Variants in CSMD1 observed in about 807,000 individuals in gnomAD.
CSMD1 encodes CUB and Sushi multiple domains 1.
In CSMD1, 213 loss-of-function variants were observed where a neutral mutation model predicts 417.5. The observed-to-expected ratio is 0.51, with a 90% CI of 0.46 to 0.57. The LOEUF (loss-of-function observed/expected upper bound fraction) is 0.57. Ranked by LOEUF, CSMD1 falls within the 20% of genes least tolerant of loss-of-function variation. The probability of loss-of-function intolerance (pLI) is 0.00; values close to 1 mark genes in which losing one functional copy is unlikely to be tolerated. For synonymous variants in CSMD1, 2,862 were observed against 1,736.8 expected (o/e 1.65, Z -16.11); for missense variants, 6,923 against 4,529.7 (o/e 1.53, Z -15.17).
At chr8:3,333,816 A>G (rs1807064368) in intron 23 of CSMD1, among the ~76,000 whole-genome samples, 1 of 152,254 alleles carries the variant, frequency 6.6e-6, no homozygotes, top group Non-Finnish European at 1.5e-5. Flanking sequence ...AAGGCAGTGA[A>G]TGCTATTCTT....
chr8:3,410,567 C>T (rs555435392), intron 12 of CSMD1, among the ~76,000 whole-genome samples: 8 of 152,270 alleles, frequency 5.3e-5, no homozygotes, highest in Admixed American at 2.0e-4. Flanking sequence ...TCATGTAAGA[C>T]GTGACTTGTT....
At chr8:3,198,559 T>C (rs759871609) in intron 33 of CSMD1, among the ~76,000 whole-genome samples, 1 of 152,214 alleles carries the variant, frequency 6.6e-6, no homozygotes, top group Non-Finnish European at 1.5e-5. Flanking sequence ...CAATGGCTAC[T>C]TACACAGGAT....
intron 3 of CSMD1, among the ~76,000 whole-genome samples, chr8:4,196,887 T>C (rs891284392): frequency 2.0e-5 from 3 of 152,206 alleles, no homozygotes; most frequent in Non-Finnish European, 2.9e-5. Flanking sequence ...AGTTCCGCCA[T>C]CTTCATTAAA....
At chr8:3,400,632 T>C (rs1811980991) in intron 15 of CSMD1, among the ~76,000 whole-genome samples, 1 of 151,972 alleles carries the variant, frequency 6.6e-6, no homozygotes, top group South Asian at 2.1e-4. Flanking sequence ...ATTTTGTTGA[T>C]ATGGGAAAAT....
intron 3 of CSMD1, among the ~76,000 whole-genome samples, chr8:4,268,552 T>A (rs1278140401): frequency 6.6e-6 from 1 of 152,160 alleles, no homozygotes; most frequent in Non-Finnish European, 1.5e-5. Flanking sequence ...TTTCACTTAC[T>A]TGAAAGATTA....
intron 2 of CSMD1, among the ~76,000 whole-genome samples, chr8:4,533,539 A>C (rs1187491415): frequency 1.2e-4 from 18 of 152,178 alleles, no homozygotes; most frequent in Admixed American, 1.2e-3. Context: ...TGGGAACACA[A>C]TATTCTTGGG....
Position 3,521,198 on chromosome 8 carries a change from C to T in CSMD1, c.1345-27472G>A, listed in dbSNP as rs75190158. ...GTTAACTCTATTTTTTTCACACCCACCACCCTTGCTTAAACACCTTCCCTG... is the reference window on the plus strand; with the variant it reads ...GTTAACTCTATTTTTTTCACACCCATCACCCTTGCTTAAACACCTTCCCTG... On this transcript the variant is annotated intron_variant, in intron 10 of 69. Transcript: ENST00000635120. 6.9e-3 allele frequency among the ~76,000 whole-genome samples: 1,055 copies of T among 152,262 alleles called. 9 individuals carry two copies. The highest frequency in any genetic ancestry group is 0.014 in the Middle Eastern group (4 of 294).
intron 10 of CSMD1, among the ~76,000 whole-genome samples, chr8:3,512,610 T>C (rs1797123940): frequency 6.6e-6 from 1 of 150,768 alleles, no homozygotes; most frequent in African/African-American, 2.4e-5. Context: ...CTTTTTTTTT[T>C]TTTTTTTTTA....
chr8:4,377,610 G>T (rs929679686), intron 3 of CSMD1, among the ~76,000 whole-genome samples: 1 of 152,140 alleles, frequency 6.6e-6, no homozygotes, highest in Non-Finnish European at 1.5e-5. Flanking sequence ...TCAATTTTAT[G>T]ATGTGCAAAA....
chr8:3,213,545 C>A lies in CSMD1; in HGVS notation c.4867+952G>T, dbSNP rs184722511. 3.0e-3 allele frequency among the ~76,000 whole-genome samples: 459 copies of A among 152,114 alleles called. 2 individuals are homozygous for A. Among genetic ancestry groups the A allele is most frequent in the African/African-American group, 0.011 (436 of 41,484 alleles). Reference sequence around the variant, plus strand: ...TGTCTGTCCTTGAAAGCTGATTCAACGATTTTACTAATTTCATTCCTAAGG... The same window carrying A: ...TGTCTGTCCTTGAAAGCTGATTCAAAGATTTTACTAATTTCATTCCTAAGG... On this transcript the variant is annotated intron_variant, in intron 30 of 69. Transcript: ENST00000635120.
chr8:4,898,760 G>C (rs1307592631), intron 1 of CSMD1, among the ~76,000 whole-genome samples: 2 of 152,030 alleles, frequency 1.3e-5, no homozygotes, highest in African/African-American at 4.8e-5. Flanking sequence ...TTAGTTCATC[G>C]TTGGAAGCGG....
intron 2 of CSMD1, among the ~76,000 whole-genome samples, chr8:4,560,265 C>A (rs762964971): frequency 6.6e-6 from 1 of 152,228 alleles, no homozygotes; most frequent in Non-Finnish European, 1.5e-5. Context: ...CACAAAGCCC[C>A]TGACTATGTG....
chr8:4,037,898 G>C (rs971560623), intron 3 of CSMD1, among the ~76,000 whole-genome samples: 1 of 151,912 alleles, frequency 6.6e-6, no homozygotes, highest in Non-Finnish European at 1.5e-5. Flanking sequence ...AATTCACGTA[G>C]CTCATAAGCT....
chr8:3,355,217 G>C (rs189500680), intron 21 of CSMD1, among the ~76,000 whole-genome samples: 93 of 151,872 alleles, frequency 6.1e-4, no homozygotes, highest in African/African-American at 2.2e-3. Flanking sequence ...TCTCTTACTA[G>C]ATACGGATTT....
In CSMD1 at chr8:3,075,943, A is replaced by C. The variant is rs1017165022; in HGVS notation, c.7474+11154T>G. 1.7e-3 allele frequency among the ~76,000 whole-genome samples: 257 copies of C among 151,192 alleles called. 2 individuals carry two copies. The highest frequency in any genetic ancestry group is 5.6e-3 in the African/African-American group (230 of 41,208). On this transcript the variant is annotated intron_variant, in intron 49 of 69. Transcript: ENST00000635120. ...GCGGGCGCCTGTAGTCCCAGCTCCTAGGGACGCTGAGGCAGGAGAATGGCA... is the reference window on the plus strand; with the variant it reads ...GCGGGCGCCTGTAGTCCCAGCTCCTCGGGACGCTGAGGCAGGAGAATGGCA...
At chr8:3,278,852 G>A (rs559039941) in intron 26 of CSMD1, 3 of 152,240 alleles carry the variant, frequency 2.0e-5, no homozygotes, top group African/African-American at 7.2e-5. Context: ...ATTCGCCAGT[G>A]AGGGGACGAA....
intron 10 of CSMD1, among the ~76,000 whole-genome samples, chr8:3,503,667 T>A (rs995055230): frequency 6.6e-6 from 1 of 152,188 alleles, no homozygotes; most frequent in Admixed American, 6.5e-5. Context: ...AGAGAATTAG[T>A]CTCAGCTCAA....
chr8:3,369,807 A>G (rs1286519897), intron 18 of CSMD1, among the ~76,000 whole-genome samples: 1 of 152,238 alleles, frequency 6.6e-6, no homozygotes, highest in Non-Finnish European at 1.5e-5. Context: ...TTTCAATGGG[A>G]AAGTGGCAAC....
chr8:4,118,423 TATACAAAGG>T (rs1488928011), intron 3 of CSMD1, among the ~76,000 whole-genome samples: 5 of 150,572 alleles, frequency 3.3e-5, no homozygotes, highest in Non-Finnish European at 7.4e-5. Flanking sequence ...AATCAAAAAG[TATACAAAGG>T]ATATGGACAG....
Sources: gnomAD v4.1 joint callset for allele counts (sites outside exome capture counted in the v4.1 genomes callset) on GRCh38, gnomAD v4.1.1 for gene constraint, MANE v1.5 for transcripts, NCBI Gene and HGNC (gene_info 2026-07-23, HGNC 2026-07-21) for gene names.